The following BICC1 variants were observed in gnomAD, a reference collection of about 807,000 sequenced individuals.
BICC1 encodes the protein BicC family RNA binding protein 1, also known as protein bicaudal C homolog 1.
Under a neutral mutation model 111.0 loss-of-function variants are expected in BICC1, and 43 were observed. The ratio of observed to expected loss-of-function variants is 0.39; its 90% CI spans 0.30 to 0.50. The LOEUF is 0.50. Ranked by LOEUF, BICC1 falls within the 20% of genes least tolerant of loss-of-function variation. BICC1 has a pLI of 0.88. For synonymous variants in BICC1, 467 were observed against 434.4 expected (o/e 1.07, Z -0.93); for missense variants, 1,091 against 1,203.2 (o/e 0.91, Z 1.38).
intron 3 of BICC1, among the ~76,000 whole-genome samples, chr10:58,735,582 C>G (rs543212162): frequency 1.3e-5 from 2 of 152,156 alleles, no homozygotes; most frequent in South Asian, 4.1e-4. Flanking sequence ...TCACAGCCAC[C>G]TTGCCAGGCA....
rs1222852070 is a variant in BICC1 at position 58,634,935 on chromosome 10, T to C, written c.237+14034T>C. Among the ~76,000 whole-genome samples, 11 of 152,300 alleles carry C rather than the reference T, an allele frequency of 7.2e-5. No individual in the cohort carries two copies. In the South Asian group the frequency reaches 2.3e-3, roughly 32 times the overall value. Reference sequence around the variant, plus strand: ...GTGGAAGTGGATCATCATAAAGGTCTTTATCCTCATCATATTCATGTTGAG... The same window carrying C: ...GTGGAAGTGGATCATCATAAAGGTCCTTATCCTCATCATATTCATGTTGAG... On this transcript the variant is annotated intron_variant, in intron 2 of 20. Transcript: ENST00000373886.
intron 1 of BICC1, among the ~76,000 whole-genome samples, chr10:58,565,339 G>A (rs890894759): frequency 3.3e-5 from 5 of 152,202 alleles, no homozygotes; most frequent in Admixed American, 3.3e-4. Context: ...TGCAGTCAAG[G>A]AATTGCAGGA....
At chr10:58,696,189 A>G (rs999745010) in intron 2 of BICC1, among the ~76,000 whole-genome samples, 9 of 152,128 alleles carry the variant, frequency 5.9e-5, no homozygotes, top group African/African-American at 2.2e-4. Context: ...TAAGTCTTGG[A>G]TCAGGGAACA....
intron 1 of BICC1, among the ~76,000 whole-genome samples, chr10:58,526,263 G>A (rs1480347634): frequency 6.6e-6 from 1 of 151,882 alleles, no homozygotes; most frequent in Non-Finnish European, 1.5e-5. Context: ...GGAATTCCAA[G>A]TAGACCTAGA....
At chr10:58,632,324 C>A (rs190919510) in intron 2 of BICC1, among the ~76,000 whole-genome samples, 61 of 152,246 alleles carry the variant, frequency 4.0e-4, no homozygotes, top group African/African-American at 1.4e-3. Context: ...CTAAGGACGC[C>A]ATTCATGAGA....
intron 11 of BICC1, 77 bp from the exon 12 acceptor site, chr10:58,798,979 T>C: frequency 8.9e-7 from 1 of 1,129,038 alleles, no homozygotes; most frequent in Admixed American, 2.5e-5. Flanking sequence ...ACAAAAATGA[T>C]ATTTTTATTG....
At chr10:58,776,733 C>G (rs1262361786) in intron 3 of BICC1, among the ~76,000 whole-genome samples, 1 of 152,176 alleles carries the variant, frequency 6.6e-6, no homozygotes, top group Non-Finnish European at 1.5e-5. Flanking sequence ...TAATCTAGCA[C>G]TACCCATGCT....
intron 3 of BICC1, among the ~76,000 whole-genome samples, chr10:58,775,937 C>T (rs944443097): frequency 2.0e-5 from 3 of 152,166 alleles, no homozygotes; most frequent in Admixed American, 2.0e-4. Flanking sequence ...TAATTAGCTG[C>T]TCTTTAGTGT....
intron 2 of BICC1, among the ~76,000 whole-genome samples, chr10:58,694,742 C>T (rs1231171716): frequency 1.3e-5 from 2 of 152,088 alleles, no homozygotes; most frequent in African/African-American, 4.8e-5. Flanking sequence ...GGACACTAAT[C>T]TAGTTTGGGA....
intron 1 of BICC1, among the ~76,000 whole-genome samples, chr10:58,576,855 C>G (rs528902571): frequency 1.3e-5 from 2 of 152,212 alleles, no homozygotes; most frequent in South Asian, 4.1e-4. Context: ...AGAAAGTTAT[C>G]CCAGATGTCT....
chr10:58,567,823 G>A (rs981302605), intron 1 of BICC1, among the ~76,000 whole-genome samples: 3 of 152,024 alleles, frequency 2.0e-5, no homozygotes, highest in Admixed American at 2.0e-4. Flanking sequence ...TGAATACCCA[G>A]GGAAGGCAGT....
intron 1 of BICC1, among the ~76,000 whole-genome samples, chr10:58,603,680 A>G (rs1178599589): frequency 6.6e-6 from 1 of 152,212 alleles, no homozygotes; most frequent in Admixed American, 6.5e-5. Context: ...TTGGTAGTTC[A>G]CAGGTCAATT....
chr10:58,582,377 C>A (rs1293451157), intron 1 of BICC1, among the ~76,000 whole-genome samples: 1 of 152,074 alleles, frequency 6.6e-6, no homozygotes, highest in African/African-American at 2.4e-5. Context: ...TTAAGTATTT[C>A]CTTTGAGGGA....
rs186716329 is a variant in BICC1, at chr10:58,533,864, G to C, written c.190+20531G>C. On this transcript the variant is annotated intron_variant, in intron 1 of 20. Coordinates refer to ENST00000373886, the MANE Select transcript of BICC1 (RefSeq NM_001080512.3). ...AAAGGCAGCAAGAGCCGCAAAGGGG[G>C]ACAAAATTACTACTAGCCATACAGA... Among the ~76,000 whole-genome samples, 181 of 151,830 alleles carry C rather than the reference G, an allele frequency of 1.2e-3. 1 individual carries two copies. The highest frequency in any genetic ancestry group is 4.2e-3 in the African/African-American group (176 of 41,500).
intron 17 of BICC1, among the ~76,000 whole-genome samples, chr10:58,812,939 A>G (rs1165683530): frequency 2.0e-5 from 3 of 152,166 alleles, no homozygotes; most frequent in African/African-American, 7.2e-5. Context: ...ACATTTTAGA[A>G]TGTAAAATAG....
chr10:58,531,531 CAG>C (rs764403537), intron 1 of BICC1, among the ~76,000 whole-genome samples: 5 of 151,666 alleles, frequency 3.3e-5, no homozygotes. Flanking sequence ...GGCACACAAA[CAG>C]GGAAAATATG....
intron 1 of BICC1, among the ~76,000 whole-genome samples, chr10:58,521,498 G>A (rs1264668026): frequency 6.6e-6 from 1 of 151,992 alleles, no homozygotes; most frequent in Non-Finnish European, 1.5e-5. Flanking sequence ...AAATTTTAAG[G>A]TTCCTGATCA....
intron 1 of BICC1, among the ~76,000 whole-genome samples, chr10:58,519,496 T>A (rs574177327): frequency 1.3e-5 from 2 of 152,208 alleles, no homozygotes; most frequent in Admixed American, 1.3e-4. Context: ...AATTGCAAAT[T>A]GTGACTGAAG....
chr10:58,780,234 G>T (rs1273302095), intron 3 of BICC1, among the ~76,000 whole-genome samples: 1 of 152,216 alleles, frequency 6.6e-6, no homozygotes, highest in Non-Finnish European at 1.5e-5. Context: ...TACATAAAAT[G>T]TACCACAGCC....
Sources: gnomAD v4.1 joint callset for allele counts (sites outside exome capture counted in the v4.1 genomes callset) on GRCh38, gnomAD v4.1.1 for gene constraint, MANE v1.5 for transcripts, NCBI Gene and HGNC (gene_info 2026-07-23, HGNC 2026-07-21) for gene names.